ZEB1: variants seen among roughly 807,000 people sequenced by gnomAD.
ZEB1 encodes zinc finger E-box-binding homeobox 1.
ZEB1 carries 21 observed loss-of-function variants against 84.9 expected under a neutral mutation model. The observed-to-expected ratio is 0.25, with a 90% confidence interval of 0.18 to 0.36. The LOEUF is 0.36. Among genes scored for constraint, ZEB1 ranks in the 10% least tolerant of loss-of-function variants. The probability of loss-of-function intolerance (pLI) is 1.00; values close to 1 mark genes in which losing one functional copy is unlikely to be tolerated. For missense variants in ZEB1, 1,104 were observed against 1,330.2 expected (o/e 0.83, Z 2.65); for synonymous variants, 420 against 471.1 (o/e 0.89, Z 1.41).
At chr10:31,372,082 A>G (rs534483963) in intron 1 of ZEB1, among the ~76,000 whole-genome samples, 68 of 152,228 alleles carry the variant, frequency 4.5e-4, no homozygotes, top group African/African-American at 1.5e-3. Context: ...TGTAATGTTT[A>G]TAACTCATCT....
intron 1 of ZEB1, among the ~76,000 whole-genome samples, chr10:31,414,326 T>A (rs891941200): frequency 1.3e-5 from 2 of 152,174 alleles, no homozygotes; most frequent in African/African-American, 4.8e-5. Context: ...AAAAATTAAA[T>A]GCATTGTGGT....
chr10:31,409,959 A>G (rs1001956500), intron 1 of ZEB1, among the ~76,000 whole-genome samples: 1 of 152,164 alleles, frequency 6.6e-6, no homozygotes, highest in African/African-American at 2.4e-5. Context: ...CTGCAAACAG[A>G]GACAATTTGA....
At chr10:31,401,167 T>C (rs1357676070) in intron 1 of ZEB1, among the ~76,000 whole-genome samples, 1 of 152,212 alleles carries the variant, frequency 6.6e-6, no homozygotes, top group Non-Finnish European at 1.5e-5. Flanking sequence ...ATCATAGGGC[T>C]TATGAGGAAA....
At chr10:31,443,281 G>C (rs1015118935) in intron 1 of ZEB1, among the ~76,000 whole-genome samples, 2 of 151,906 alleles carry the variant, frequency 1.3e-5, no homozygotes, top group Admixed American at 6.6e-5. Flanking sequence ...CATATGTGTT[G>C]CACATATTTT....
At chr10:31,384,715 A>C (rs969337114) in intron 1 of ZEB1, among the ~76,000 whole-genome samples, 1 of 152,184 alleles carries the variant, frequency 6.6e-6, no homozygotes, top group African/African-American at 2.4e-5. Context: ...TGGTAAACTT[A>C]GACTTCATCT....
intron 1 of ZEB1, among the ~76,000 whole-genome samples, chr10:31,395,759 G>C (rs1464861326): frequency 1.3e-5 from 2 of 152,154 alleles, no homozygotes; most frequent in Non-Finnish European, 2.9e-5. Flanking sequence ...CCTGGGACTA[G>C]TTATACTTGT....
chr10:31,459,127 C>T (rs1357441729), intron 1 of ZEB1, among the ~76,000 whole-genome samples: 1 of 151,928 alleles, frequency 6.6e-6, no homozygotes, highest in Non-Finnish European at 1.5e-5. Flanking sequence ...GAATACTGTA[C>T]CAAGGGTGAA....
intron 2 of ZEB1, among the ~76,000 whole-genome samples, chr10:31,470,005 GT>G (rs1369117485): frequency 2.0e-5 from 3 of 152,078 alleles, no homozygotes; most frequent in African/African-American, 4.8e-5. Context: ...TGAGGGTCCT[GT>G]CTGTTAGAAG....
At chr10:31,363,676 C>G in intron 1 of ZEB1, 1 of 1,333,638 alleles carries the variant, frequency 7.5e-7, no homozygotes, top group Non-Finnish European at 1.0e-6. Flanking sequence ...GCCTCTGAGA[C>G]AAGGGATCCT....
At chr10:31,435,416 T>C (rs757024986) in intron 1 of ZEB1, among the ~76,000 whole-genome samples, 19 of 152,198 alleles carry the variant, frequency 1.2e-4, no homozygotes, top group Non-Finnish European at 2.1e-4. Context: ...AATAGAAAAC[T>C]AATACAGAGT....
intron 1 of ZEB1, among the ~76,000 whole-genome samples, chr10:31,348,656 A>G (rs2040770762): frequency 6.6e-6 from 1 of 152,246 alleles, no homozygotes; most frequent in Non-Finnish European, 1.5e-5. Flanking sequence ...AAACCATTTC[A>G]AATAGAAAAT....
At chr10:31,397,101 C>T (rs2050884519) in intron 1 of ZEB1, among the ~76,000 whole-genome samples, 1 of 148,102 alleles carries the variant, frequency 6.8e-6, no homozygotes, top group South Asian at 2.1e-4. Flanking sequence ...CTGCAACCTC[C>T]ACCTCCCGGG....
chr10:31,388,737 A>C (rs537425518), intron 1 of ZEB1, among the ~76,000 whole-genome samples: 5 of 152,082 alleles, frequency 3.3e-5, no homozygotes, highest in South Asian at 2.1e-4. Context: ...AGTTTTTTTT[A>C]ATTTTTATTT....
At chr10:31,368,435 G>C (rs2134352360) in intron 1 of ZEB1, among the ~76,000 whole-genome samples, 1 of 143,048 alleles carries the variant, frequency 7.0e-6, no homozygotes, top group African/African-American at 2.6e-5. Flanking sequence ...GGGATTACAG[G>C]CATAAGCCAC....
chr10:31,487,387 A>G (rs1325791407), intron 2 of ZEB1, among the ~76,000 whole-genome samples: 1 of 151,400 alleles, frequency 6.6e-6, no homozygotes, highest in African/African-American at 2.4e-5. Flanking sequence ...CAATTAATGA[A>G]CATGGTGTGT....
intron 1 of ZEB1, among the ~76,000 whole-genome samples, chr10:31,407,230 T>C (rs1005837161): frequency 3.2e-4 from 46 of 144,406 alleles, no homozygotes; most frequent in African/African-American, 1.1e-3. Flanking sequence ...TATCTCCCAA[T>C]GCTATCCCTC....
chr10:31,524,165 A>G, intron 8 of ZEB1, 52 bp downstream of exon 8: 9 of 1,522,938 alleles, frequency 5.9e-6, no homozygotes, highest in Non-Finnish European at 8.1e-6. Context: ...ATACTGGAAG[A>G]TGCAAAATTA....
intron 1 of ZEB1, among the ~76,000 whole-genome samples, chr10:31,435,499 T>C (rs1482325525): frequency 1.3e-5 from 2 of 152,134 alleles, no homozygotes; most frequent in African/African-American, 4.8e-5. Context: ...AATAGGATGA[T>C]GTGAAAGAGT....
intron 1 of ZEB1, among the ~76,000 whole-genome samples, chr10:31,421,950 C>T (rs975042988): frequency 1.3e-5 from 2 of 152,016 alleles, no homozygotes; most frequent in Admixed American, 1.3e-4. Flanking sequence ...CCGCTGATTT[C>T]AAGTGACCAC....
Sources: allele counts gnomAD v4.1 joint callset (sites outside exome capture counted in the v4.1 genomes callset), GRCh38; gene constraint gnomAD v4.1.1; transcripts MANE v1.5; gene names NCBI Gene and HGNC (gene_info 2026-07-23, HGNC 2026-07-21).